The following PRELID2 variants were observed in gnomAD, a reference collection of about 807,000 sequenced individuals.
The protein encoded by PRELID2 is PRELI domain containing 2, also known as PRELI domain-containing protein 2.
PRELID2 carries 25 observed loss-of-function variants against 28.4 expected under a neutral mutation model. The observed-to-expected ratio is 0.88, with a 90% CI of 0.64 to 1.23. PRELID2 has a LOEUF of 1.23. PRELID2 is among the 50% of genes most tolerant of loss of function. PRELID2 has a pLI of 0.00. For synonymous variants in PRELID2, 76 were observed against 71.6 expected (o/e 1.06, Z -0.31); for missense variants, 201 against 214.4 (o/e 0.94, Z 0.39).
Position 145,777,172 on chromosome 5 carries a change from G to A in PRELID2, c.475-12172C>T, listed in dbSNP as rs76489042. Among the ~76,000 whole-genome samples the A allele has an allele frequency of 4.8e-3, 729 of 152,272 alleles. 5 individuals carry two copies. The highest frequency in any genetic ancestry group is 7.3e-3 in the Non-Finnish European group (497 of 68,012). ...GTTACAGTGGCTGAAGTAAAGAAGT[G>A]AGCTGCTGGAAAAGTAAAATGAGGG... On this transcript the variant is annotated intron_variant, in intron 5 of 6. Transcript: ENST00000683046.
chr5:145,286,006 C>T, the PRELID2 span, among the ~76,000 whole-genome samples: 1 of 152,162 alleles, frequency 6.6e-6, no homozygotes, highest in African/African-American at 2.4e-5. Context: ...TTTGACTTCT[C>T]AGTCCCAGCA....
At chr5:145,466,758 C>G in the PRELID2 span, among the ~76,000 whole-genome samples, 1 of 152,062 alleles carries the variant, frequency 6.6e-6, no homozygotes, top group Non-Finnish European at 1.5e-5. Flanking sequence ...AAGCAGGCCA[C>G]TAAAATAATG....
At chr5:145,827,227 C>T (rs535896397) in intron 1 of PRELID2, among the ~76,000 whole-genome samples, 2 of 152,282 alleles carry the variant, frequency 1.3e-5, no homozygotes, top group East Asian at 1.9e-4. Flanking sequence ...TGGTGTTTAG[C>T]AGCAGAAAGA....
intron 1 of PRELID2, among the ~76,000 whole-genome samples, chr5:145,719,062 T>A (rs1379278905): frequency 6.6e-6 from 1 of 151,960 alleles, no homozygotes; most frequent in Admixed American, 6.6e-5. Flanking sequence ...CTGAATCACT[T>A]GACAACATTT....
chr5:145,732,922 T>C (rs944808974), intron 1 of PRELID2, among the ~76,000 whole-genome samples: 1 of 151,406 alleles, frequency 6.6e-6, no homozygotes, highest in Non-Finnish European at 1.5e-5. Context: ...GAATAATAAC[T>C]CAACTCTTCA....
chr5:145,615,530 G>T (rs1428355068), intron 1 of PRELID2, among the ~76,000 whole-genome samples: 3 of 120,722 alleles, frequency 2.5e-5, no homozygotes, highest in East Asian at 2.4e-4. Flanking sequence ...GTTTCACCGT[G>T]TTAGCCAGGA....
At chr5:145,724,991 C>T (rs1756102845) in intron 1 of PRELID2, among the ~76,000 whole-genome samples, 1 of 151,926 alleles carries the variant, frequency 6.6e-6, no homozygotes, top group East Asian at 1.9e-4. Flanking sequence ...GATCCTCCCA[C>T]ATCAGCCTCC....
At chr5:145,514,567 C>T (rs1342841192) in intron 1 of PRELID2, among the ~76,000 whole-genome samples, 1 of 152,144 alleles carries the variant, frequency 6.6e-6, no homozygotes, top group Non-Finnish European at 1.5e-5. Flanking sequence ...TAACACTCCA[C>T]TGTCAATATT....
chr5:145,406,561 G>A, the PRELID2 span, among the ~76,000 whole-genome samples: 17 of 152,152 alleles, frequency 1.1e-4, no homozygotes, highest in Non-Finnish European at 1.8e-4. Context: ...GAGGAAAATG[G>A]CAGATTGGAG....
At chr5:145,500,129 A>G (rs1477270988) in intron 1 of PRELID2, among the ~76,000 whole-genome samples, 1 of 152,136 alleles carries the variant, frequency 6.6e-6, no homozygotes, top group Non-Finnish European at 1.5e-5. Flanking sequence ...TATGGTCTGG[A>G]TCTGTGTCCC....
At chr5:145,522,024 CATTT>C (rs1331211078) in intron 1 of PRELID2, among the ~76,000 whole-genome samples, 1 of 152,138 alleles carries the variant, frequency 6.6e-6, no homozygotes, top group Non-Finnish European at 1.5e-5. Context: ...TTAATTCATT[CATTT>C]GTTGAGAAAT....
intron 1 of PRELID2, among the ~76,000 whole-genome samples, chr5:145,652,586 G>A (rs186077138): frequency 1.4e-3 from 210 of 152,244 alleles, no homozygotes; most frequent in Admixed American, 3.6e-3. Flanking sequence ...AGAGAGTGGG[G>A]GCCAATATTC....
chr5:145,647,519 AGGG>A (rs1754219142), intron 1 of PRELID2, among the ~76,000 whole-genome samples: 1 of 152,010 alleles, frequency 6.6e-6, no homozygotes, highest in African/African-American at 2.4e-5. Context: ...CCCCCTTTCC[AGGG>A]GAGTGAACGG....
At chr5:145,637,517 A>G (rs564402784) in intron 1 of PRELID2, among the ~76,000 whole-genome samples, 2 of 152,346 alleles carry the variant, frequency 1.3e-5, no homozygotes, top group East Asian at 3.9e-4. Flanking sequence ...TGCCAAAAAA[A>G]AAAAAGAAAA....
chr5:145,702,609 T>C (rs769619327), intron 1 of PRELID2, among the ~76,000 whole-genome samples: 2 of 152,180 alleles, frequency 1.3e-5, no homozygotes, highest in Non-Finnish European at 2.9e-5. Flanking sequence ...TCAATGACAT[T>C]CGGGTCTTCT....
At chr5:145,252,267 A>G in the PRELID2 span, among the ~76,000 whole-genome samples, 1 of 152,126 alleles carries the variant, frequency 6.6e-6, no homozygotes, top group African/African-American at 2.4e-5. Flanking sequence ...ATCGTCTATT[A>G]TGCTTGCTAA....
chr5:145,240,718 T>C, the PRELID2 span, among the ~76,000 whole-genome samples: 2 of 152,038 alleles, frequency 1.3e-5, no homozygotes, highest in Non-Finnish European at 1.5e-5. Flanking sequence ...TAAAGGCTCC[T>C]GTTGCTTATG....
intron 1 of PRELID2, among the ~76,000 whole-genome samples, chr5:145,717,788 G>A (rs1024860725): frequency 6.7e-6 from 1 of 150,196 alleles, no homozygotes; most frequent in Non-Finnish European, 1.5e-5. Context: ...TTTAATTTTT[G>A]TTAGCTAACC....
the PRELID2 span, among the ~76,000 whole-genome samples, chr5:145,403,680 C>T: frequency 6.6e-6 from 1 of 152,216 alleles, no homozygotes; most frequent in Non-Finnish European, 1.5e-5. Context: ...TTTATTTAAT[C>T]CTCTCACAAA....
Sources: allele counts gnomAD v4.1 joint callset (sites outside exome capture counted in the v4.1 genomes callset), GRCh38; gene constraint gnomAD v4.1.1; transcripts MANE v1.5; gene names NCBI Gene and HGNC (gene_info 2026-07-23, HGNC 2026-07-21).